The following ARHGAP28 variants were observed in gnomAD, a reference collection of about 807,000 sequenced individuals.
The protein encoded by ARHGAP28 is Rho GTPase activating protein 28.
Under a neutral mutation model 90.7 loss-of-function variants are expected in ARHGAP28, and 56 were observed. That is an observed-to-expected ratio of 0.62 (90% CI 0.50 to 0.77). The LOEUF (loss-of-function observed/expected upper bound fraction) is 0.77, where lower values mean the gene tolerates loss of function less well. ARHGAP28 is among the 30% of genes least tolerant of loss of function. The probability of loss-of-function intolerance (pLI) is 0.00; values close to 1 mark genes in which losing one functional copy is unlikely to be tolerated. For synonymous variants in ARHGAP28, 308 were observed against 323.3 expected (o/e 0.95, Z 0.51); for missense variants, 869 against 900.9 (o/e 0.96, Z 0.45).
At chr18:6,836,728 A>C (rs1315637045) in intron 2 of ARHGAP28, among the ~76,000 whole-genome samples, 1 of 152,184 alleles carries the variant, frequency 6.6e-6, no homozygotes, top group Non-Finnish European at 1.5e-5. Context: ...GAGGTTCACT[A>C]TACTTATTTT....
At chr18:6,848,416 T>C (rs950793248) in intron 3 of ARHGAP28, among the ~76,000 whole-genome samples, 1 of 152,202 alleles carries the variant, frequency 6.6e-6, no homozygotes, top group African/African-American at 2.4e-5. Context: ...TGTAGGTATT[T>C]AGTGAACACT....
At chr18:6,812,731 G>C (rs1352939289) in intron 1 of ARHGAP28, among the ~76,000 whole-genome samples, 2 of 152,212 alleles carry the variant, frequency 1.3e-5, no homozygotes, top group Admixed American at 6.5e-5. Flanking sequence ...CCCACAGTGT[G>C]AAGTGTCAGC....
At chr18:6,793,780 G>C (rs1000002158) in intron 1 of ARHGAP28, among the ~76,000 whole-genome samples, 3 of 151,616 alleles carry the variant, frequency 2.0e-5, no homozygotes, top group African/African-American at 7.3e-5. Flanking sequence ...GAAGGCTAAG[G>C]GTAGTCAAAA....
rs2057414463 is a variant in ARHGAP28 at position 6,914,664 on chromosome 18, A to T, written c.*2510A>T. 6.6e-6 allele frequency: 1 copy of T among 152,196 alleles called. No individual in the cohort carries two copies. Among genetic ancestry groups the T allele is most frequent in the African/African-American group, 2.4e-5 (1 of 41,448 alleles). 9.4% of individuals were successfully genotyped at this position (152,196 alleles called of 1,614,324 possible). On this transcript the variant is annotated 3_prime_UTR_variant, in exon 18 of 18. Coordinates refer to ENST00000383472, the MANE Select transcript of ARHGAP28 (RefSeq NM_001366230.1). ...ATCTTTGCAAACAAAAGAAGGGCAGATACTGGGCTTCTACATGCTATCCTT... is the reference window on the plus strand; with the variant it reads ...ATCTTTGCAAACAAAAGAAGGGCAGTTACTGGGCTTCTACATGCTATCCTT...
At chr18:6,884,314 T>G (rs1410559888) in intron 11 of ARHGAP28, among the ~76,000 whole-genome samples, 1 of 152,062 alleles carries the variant, frequency 6.6e-6, no homozygotes, top group Non-Finnish European at 1.5e-5. Flanking sequence ...GTGGAGCTTA[T>G]AGTGAGCCGA....
chr18:6,875,555 G>T (rs550632034), intron 9 of ARHGAP28, among the ~76,000 whole-genome samples: 1 of 152,142 alleles, frequency 6.6e-6, no homozygotes, highest in East Asian at 1.9e-4. Context: ...TTATTGTGAG[G>T]ATTAGATGAG....
At chr18:6,760,975 A>T (rs2056154857) in intron 1 of ARHGAP28, among the ~76,000 whole-genome samples, 2 of 152,232 alleles carry the variant, frequency 1.3e-5, no homozygotes, top group Non-Finnish European at 2.9e-5. Context: ...AGATCGTGGT[A>T]TTATACTTAG....
chr18:6,743,933 C>T (rs954944467), intron 1 of ARHGAP28, among the ~76,000 whole-genome samples: 3 of 152,154 alleles, frequency 2.0e-5, no homozygotes, highest in Non-Finnish European at 4.4e-5. Context: ...CAGAGTTCCA[C>T]TCCTTGAGGA....
At chr18:6,796,524 G>A (rs73382751) in intron 1 of ARHGAP28, among the ~76,000 whole-genome samples, 7,280 of 151,776 alleles carry the variant, frequency 0.048, 544 homozygotes, top group African/African-American at 0.16. Context: ...TGATGTGTAG[G>A]TCATTTTCTT....
intron 1 of ARHGAP28, among the ~76,000 whole-genome samples, chr18:6,742,078 C>G (rs1600143508): frequency 1.3e-5 from 2 of 152,046 alleles, no homozygotes; most frequent in Middle Eastern, 6.8e-3. Flanking sequence ...ATGGGGAAAA[C>G]AAGCAAATAA....
At chr18:6,780,765 G>A (rs1031849537) in intron 1 of ARHGAP28, among the ~76,000 whole-genome samples, 6 of 151,842 alleles carry the variant, frequency 4.0e-5, no homozygotes, top group South Asian at 2.1e-4. Flanking sequence ...CGTGGCAGGC[G>A]CCTGTAATGC....
At chr18:6,843,247 C>T (rs1600238186) in intron 3 of ARHGAP28, among the ~76,000 whole-genome samples, 3 of 152,060 alleles carry the variant, frequency 2.0e-5, no homozygotes, top group Non-Finnish European at 4.4e-5. Flanking sequence ...CTGGGACAGC[C>T]GCCACTGCCA....
Position 6,882,125 on chromosome 18 carries a change from C to T in ARHGAP28, c.1291-12C>T, listed in dbSNP as rs2057183566. The T allele has an allele frequency of 1.9e-6, 3 of 1,604,358 alleles. No individual in the cohort carries two copies. The highest frequency in any genetic ancestry group is 2.6e-6 in the Non-Finnish European group (3 of 1,174,810). ...AGTGCATTGAATACTGACTGTTTTC[C>T]TTGATTTACAGCAATACCGTGAAGA... is the stretch of plus-strand genomic sequence containing the variant. On this transcript the variant is annotated splice_polypyrimidine_tract_variant and intron_variant, in intron 10 of 17. Transcript: ENST00000383472.
chr18:6,827,865 G>A (rs977194955), intron 2 of ARHGAP28, among the ~76,000 whole-genome samples: 3 of 151,460 alleles, frequency 2.0e-5, no homozygotes, highest in Non-Finnish European at 4.4e-5. Context: ...CATCTCAGAC[G>A]ATGGGCGGCC....
chr18:6,731,966 C>T (rs759143984), intron 1 of ARHGAP28, among the ~76,000 whole-genome samples: 6 of 152,022 alleles, frequency 3.9e-5, no homozygotes, highest in Non-Finnish European at 5.9e-5. Context: ...GAGCAATGAC[C>T]AGAATGGCCC....
intron 5 of ARHGAP28, 55 bp downstream of exon 5, chr18:6,859,952 C>T: frequency 6.9e-7 from 1 of 1,458,556 alleles, no homozygotes. Flanking sequence ...CAAGTCAAAG[C>T]AACTAATGTA....
At chr18:6,803,334 G>A (rs1362465517) in intron 1 of ARHGAP28, among the ~76,000 whole-genome samples, 5 of 152,140 alleles carry the variant, frequency 3.3e-5, no homozygotes, top group Admixed American at 1.3e-4. Flanking sequence ...CATATATTGC[G>A]ATGATCATGT....
At chr18:6,833,312 T>C (rs1370706341) in intron 2 of ARHGAP28, among the ~76,000 whole-genome samples, 1 of 152,054 alleles carries the variant, frequency 6.6e-6, no homozygotes, top group Non-Finnish European at 1.5e-5. Flanking sequence ...ATTTTTATTA[T>C]ATTACTATCA....
intron 1 of ARHGAP28, among the ~76,000 whole-genome samples, chr18:6,771,314 G>A (rs1271800795): frequency 6.6e-6 from 1 of 152,076 alleles, no homozygotes; most frequent in African/African-American, 2.4e-5. Context: ...TAAAGTGCTG[G>A]TATTACAGTT....
Sources: allele counts gnomAD v4.1 joint callset (sites outside exome capture counted in the v4.1 genomes callset), GRCh38; gene constraint gnomAD v4.1.1; transcripts MANE v1.5; gene names NCBI Gene and HGNC (gene_info 2026-07-23, HGNC 2026-07-21).